The following GABRA2 variants were observed in gnomAD, a reference collection of about 807,000 sequenced individuals.
The protein encoded by GABRA2 is gamma-aminobutyric acid type A receptor subunit alpha2.
GABRA2 carries 16 observed loss-of-function variants against 48.7 expected under a neutral mutation model. The observed-to-expected ratio is 0.33, with a 90% CI of 0.22 to 0.50. The LOEUF (loss-of-function observed/expected upper bound fraction) is 0.50, where lower values mean the gene tolerates loss of function less well. Ranked by LOEUF, GABRA2 falls within the 20% of genes least tolerant of loss-of-function variation. GABRA2 has a pLI of 0.98. For missense variants in GABRA2, 275 were observed against 535.6 expected (o/e 0.51, Z 4.80); for synonymous variants, 185 against 184.5 (o/e 1.00, Z -0.02).
In GABRA2 at chr4:46,308,431, G is replaced by T. The variant is rs76107059; in HGVS notation, c.559+1742C>A. Among the ~76,000 whole-genome samples, 681 of 152,230 alleles carry T rather than the reference G, an allele frequency of 4.5e-3. 6 individuals carry two copies. Among genetic ancestry groups the T allele is most frequent in the African/African-American group, 0.015 (643 of 41,562 alleles). ...CAAGTAAGGAAGGAATAAATGAGTA[G>T]AAGAAAAAGTCACAGCTGTTTCTGC... On this transcript the variant is annotated intron_variant, in intron 6 of 9. Transcript: ENST00000381620.
intron 4 of GABRA2, among the ~76,000 whole-genome samples, chr4:46,325,197 A>T (rs955550685): frequency 1.3e-5 from 2 of 152,030 alleles, no homozygotes; most frequent in African/African-American, 4.8e-5. Flanking sequence ...ACTAATTTAC[A>T]TTCCCACCAG....
chr4:46,371,480 C>T (rs145964648), intron 3 of GABRA2, among the ~76,000 whole-genome samples: 55 of 151,994 alleles, frequency 3.6e-4, no homozygotes, highest in African/African-American at 1.3e-3. Context: ...TTTTTCTTCC[C>T]ACAACTCATT....
intron 5 of GABRA2, among the ~76,000 whole-genome samples, chr4:46,311,514 T>C (rs1444022610): frequency 6.6e-6 from 1 of 152,218 alleles, no homozygotes; most frequent in Non-Finnish European, 1.5e-5. Flanking sequence ...ATTTTTTTCT[T>C]ACATAATACA....
intron 3 of GABRA2, among the ~76,000 whole-genome samples, chr4:46,383,260 T>C (rs1002464474): frequency 2.6e-5 from 4 of 152,152 alleles, no homozygotes; most frequent in Non-Finnish European, 4.4e-5. Flanking sequence ...ATGACAAATA[T>C]AGATCCAGAG....
chr4:46,358,326 G>T (rs1736333919), intron 3 of GABRA2, among the ~76,000 whole-genome samples: 1 of 152,110 alleles, frequency 6.6e-6, no homozygotes, highest in Non-Finnish European at 1.5e-5. Context: ...CAGCTCCTTA[G>T]AGGATACTGT....
In GABRA2 at chr4:46,247,002, G is replaced by A. The variant is rs1362003020; in HGVS notation, c.*3306C>T. On this transcript the variant is annotated 3_prime_UTR_variant, in exon 10 of 10. Transcript: ENST00000381620. ...GGAATTCAAAAAGAGCCACATAAAT[G>A]CAAATTATACTTACCAAATAATGAG... 6.6e-6 allele frequency among the ~76,000 whole-genome samples: 1 copy of A among 150,958 alleles called. No homozygotes were observed. The highest frequency in any genetic ancestry group is 1.5e-5 in the Non-Finnish European group (1 of 67,392).
intron 8 of GABRA2, among the ~76,000 whole-genome samples, chr4:46,302,948 T>C (rs900971534): frequency 2.0e-5 from 3 of 152,154 alleles, no homozygotes; most frequent in African/African-American, 4.8e-5. Context: ...CCCAACTTTC[T>C]TCCTTCAGCC....
rs553716792 is a variant in GABRA2 at position 46,295,851 on chromosome 4, G to A, written c.856+7609C>T. ...GGATATGGGTTTGCCTATCCTGCAC[G>A]CAATGCTTCTGCCAAGACTATCATC... is the stretch of plus-strand genomic sequence containing the variant. On this transcript the variant is annotated intron_variant, in intron 8 of 9. Coordinates refer to ENST00000381620, the MANE Select transcript of GABRA2 (RefSeq NM_000807.4). Among the ~76,000 whole-genome samples the A allele has an allele frequency of 6.6e-5, 10 of 152,276 alleles. No homozygotes were observed. The South Asian group carries it at 1.5e-3, about 22-fold the overall frequency.
At chr4:46,337,940 A>T (rs1243732990) in intron 3 of GABRA2, among the ~76,000 whole-genome samples, 2 of 152,010 alleles carry the variant, frequency 1.3e-5, no homozygotes, top group Non-Finnish European at 2.9e-5. Context: ...ACTGTACTGG[A>T]TAATATAACA....
chr4:46,385,362 A>C (rs1323083669), intron 3 of GABRA2, among the ~76,000 whole-genome samples: 1 of 151,778 alleles, frequency 6.6e-6, no homozygotes, highest in Non-Finnish European at 1.5e-5. Flanking sequence ...AATTTAACAT[A>C]TTAGCCAAGC....
At chr4:46,319,872 TATA>T (rs1181049971) in intron 4 of GABRA2, among the ~76,000 whole-genome samples, 2 of 151,826 alleles carry the variant, frequency 1.3e-5, no homozygotes, top group Non-Finnish European at 2.9e-5. Context: ...TTTACTTTGA[TATA>T]ATATGTGTCA....
intron 3 of GABRA2, chr4:46,368,405 A>G (rs1355036476): frequency 2.0e-5 from 3 of 152,160 alleles, no homozygotes; most frequent in Non-Finnish European, 4.4e-5. Flanking sequence ...AAAGAGTTCA[A>G]ATAAAGTACT....
chr4:46,289,329 A>C (rs577318818), intron 8 of GABRA2, among the ~76,000 whole-genome samples: 1 of 152,382 alleles, frequency 6.6e-6, no homozygotes, highest in African/African-American at 2.4e-5. Flanking sequence ...GTAGACTAAG[A>C]AAATGTGGTA....
At chr4:46,343,904 A>G (rs1470287958) in intron 3 of GABRA2, among the ~76,000 whole-genome samples, 1 of 151,946 alleles carries the variant, frequency 6.6e-6, no homozygotes. Context: ...TGGGCAATTT[A>G]GTTATCCTCT....
intron 3 of GABRA2, among the ~76,000 whole-genome samples, chr4:46,379,921 T>C (rs1025119958): frequency 6.6e-6 from 1 of 152,308 alleles, no homozygotes; most frequent in African/African-American, 2.4e-5. Flanking sequence ...CACAGTTTTA[T>C]ATACTGAGAT....
At chr4:46,357,228 C>A (rs1408520960) in intron 3 of GABRA2, among the ~76,000 whole-genome samples, 2 of 151,730 alleles carry the variant, frequency 1.3e-5, no homozygotes, top group Non-Finnish European at 2.9e-5. Context: ...TACATCTAAG[C>A]CACATTCTCC....
intron 8 of GABRA2, among the ~76,000 whole-genome samples, chr4:46,273,616 C>A (rs1254322932): frequency 2.6e-5 from 4 of 151,102 alleles, no homozygotes. Context: ...AAACACCATT[C>A]TCCGGAGTGA....
At chr4:46,368,923 C>T (rs1471136438) in intron 3 of GABRA2, 1 of 690,342 alleles carries the variant, frequency 1.4e-6, no homozygotes, top group South Asian at 1.5e-5. Context: ...ATTTGTTCTG[C>T]CCATGGAGAG....
At chr4:46,382,937 A>C (rs1179367088) in intron 3 of GABRA2, among the ~76,000 whole-genome samples, 1 of 152,200 alleles carries the variant, frequency 6.6e-6, no homozygotes, top group Non-Finnish European at 1.5e-5. Flanking sequence ...GTGCAGTTTG[A>C]TACATTAAAA....
Sources: gnomAD v4.1 joint callset for allele counts (sites outside exome capture counted in the v4.1 genomes callset) on GRCh38, gnomAD v4.1.1 for gene constraint, MANE v1.5 for transcripts, NCBI Gene and HGNC (gene_info 2026-07-23, HGNC 2026-07-21) for gene names.